ESRP1: variants seen among roughly 807,000 people sequenced by gnomAD.
The protein encoded by ESRP1 is epithelial splicing regulatory protein 1.
A neutral mutation model predicts 81.7 loss-of-function variants in ESRP1; 33 were observed. The ratio of observed to expected loss-of-function variants is 0.40; its 90% CI spans 0.31 to 0.54. ESRP1 has a LOEUF of 0.54. Among genes scored for constraint, ESRP1 ranks in the 20% least tolerant of loss-of-function variants. ESRP1 has a pLI of 0.41. For missense variants in ESRP1, 672 were observed against 833.1 expected, an observed-to-expected ratio of 0.81 and a Z score of 2.38; for synonymous variants, 320 against 303.3, an observed-to-expected ratio of 1.06 and a Z score of -0.57.
Position 94,706,134 on chromosome 8 carries a change from G to T in ESRP1, c.*245G>T. 1.8e-6 allele frequency: 1 copy of T among 546,234 alleles called. No individual in the cohort carries two copies. The highest frequency in any genetic ancestry group is 2.7e-5 in the South Asian group (1 of 36,696). 33.8% of individuals were successfully genotyped at this position (546,234 alleles called of 1,614,324 possible). On this transcript the variant is annotated 3_prime_UTR_variant, in exon 16 of 16. Coordinates refer to ENST00000433389, the MANE Select transcript of ESRP1 (RefSeq NM_017697.4). ...CAGCAAGCAGCATGCAGCATACCTG[G>T]CTCTTTGCTGATTGCAAATAGGCAT...
In ESRP1 at chr8:94,641,948, C is replaced by T. The variant is rs769894286; in HGVS notation, c.133-8C>T. ...GGGAAACTGACCCGTGCTTCTCTAC[C>T]TTCGGAGGTGGGACAGTTGCACGAA... is the stretch of plus-strand genomic sequence containing the variant. On this transcript the variant is annotated splice_region_variant and splice_polypyrimidine_tract_variant and intron_variant, in intron 1 of 15. Coordinates refer to ENST00000433389, the MANE Select transcript of ESRP1 (RefSeq NM_017697.4). 9 of 1,613,664 alleles carry T rather than the reference C, an allele frequency of 5.6e-6. No individual in the cohort carries two copies. Among genetic ancestry groups the T allele is most frequent in the South Asian group, 1.1e-5 (1 of 91,064 alleles).
chr8:94,697,034 A>G (rs1809633572), intron 15 of ESRP1, 73 bp downstream of exon 15: 2 of 966,878 alleles, frequency 2.1e-6, no homozygotes, highest in Non-Finnish European at 3.0e-6. Flanking sequence ...GCATTTAGAA[A>G]TCAACTGAGA....
chr8:94,705,799 G>T (rs976408228), intron 15 of ESRP1, 126 bp from the exon 16 acceptor site: 3 of 807,878 alleles, frequency 3.7e-6, no homozygotes, highest in African/African-American at 3.5e-5. Flanking sequence ...TAATAACTTG[G>T]ACCATCTTAA....
At chr8:94,704,766 GAAAAA>G (rs10618511) in intron 15 of ESRP1, among the ~76,000 whole-genome samples, 6 of 108,752 alleles carry the variant, frequency 5.5e-5, no homozygotes, top group East Asian at 3.5e-4. Context: ...ATCTCTTTTT[GAAAAA>G]AAAAAAAAAA....
intron 4 of ESRP1, among the ~76,000 whole-genome samples, chr8:94,654,576 T>C (rs890445503): frequency 6.6e-6 from 1 of 152,176 alleles, no homozygotes; most frequent in Non-Finnish European, 1.5e-5. Context: ...TTCAGTACAA[T>C]AATATCTCCA....
rs138387059 is a variant in ESRP1, at chr8:94,692,952, G to T, written c.1971+125G>T. Reference sequence around the variant, plus strand: ...TGTGTGTATATATGCTAATGGATTTGCTTATGGAAACAAATAGATCTGGAG... The same window carrying T: ...TGTGTGTATATATGCTAATGGATTTTCTTATGGAAACAAATAGATCTGGAG... On this transcript the variant is annotated intron_variant, in intron 14 of 15. Coordinates refer to ENST00000433389, the MANE Select transcript of ESRP1 (RefSeq NM_017697.4). 135 of 1,057,166 alleles carry T rather than the reference G, an allele frequency of 1.3e-4. No individual in the cohort carries two copies. The East Asian group carries it at 3.4e-3, about 27-fold the overall frequency. 65.5% of individuals were successfully genotyped at this position (1,057,166 alleles called of 1,614,324 possible).
At chr8:94,660,162 G>C (rs949484149) in intron 4 of ESRP1, among the ~76,000 whole-genome samples, 2 of 152,194 alleles carry the variant, frequency 1.3e-5, no homozygotes, top group African/African-American at 4.8e-5. Context: ...AGAAGATGAT[G>C]CCATCCTGGA....
At chr8:94,642,164 G>C (rs1441172626) in intron 2 of ESRP1, 80 bp downstream of exon 2, 2 of 1,523,312 alleles carry the variant, frequency 1.3e-6, no homozygotes, top group Admixed American at 1.8e-5. Flanking sequence ...GGCGGCCCAC[G>C]CGTGTTCCCG....
intron 12 of ESRP1, among the ~76,000 whole-genome samples, chr8:94,677,270 C>T (rs1447376675): frequency 6.6e-6 from 1 of 152,140 alleles, no homozygotes; most frequent in East Asian, 1.9e-4. Flanking sequence ...TTTCTTGGGC[C>T]TCTGCTGATT....
At chr8:94,654,249 C>A (rs1325507229) in intron 4 of ESRP1, among the ~76,000 whole-genome samples, 2 of 152,064 alleles carry the variant, frequency 1.3e-5, no homozygotes, top group Non-Finnish European at 2.9e-5. Flanking sequence ...ACCTGGGTGG[C>A]GGAGGTTGCG....
chr8:94,667,900 G>C, intron 9 of ESRP1, 49 bp from the exon 10 acceptor site: 1 of 1,462,542 alleles, frequency 6.8e-7, no homozygotes, highest in Non-Finnish European at 9.2e-7. Context: ...CGGTAAAGTT[G>C]ATGTCTTAAC....
intron 11 of ESRP1, 73 bp downstream of exon 11, chr8:94,671,744 T>TTTCTAA: frequency 1.0e-6 from 1 of 973,270 alleles, no homozygotes; most frequent in Non-Finnish European, 1.5e-6. Context: ...ATATTAGATA[T>TTTCTAA]TAGATAATCT....
At position 94,673,813 on chromosome 8, in the gene ESRP1, G is replaced by GT. The variant is rs1819453830; in HGVS notation, c.1453-495_1453-494insT. Among the ~76,000 whole-genome samples, 4 of 152,210 alleles carry GT rather than the reference G, an allele frequency of 2.6e-5. No individual in the cohort carries two copies. In the South Asian group the frequency reaches 6.2e-4, roughly 24 times the overall value. On this transcript the variant is annotated intron_variant, in intron 11 of 15. Transcript: ENST00000433389. ...ATTCCAACCTAGGTCTCAGGGATGA[G>GT]GGAAGATTGAAAGGGATATGGCAGG...
intron 13 of ESRP1, among the ~76,000 whole-genome samples, chr8:94,685,254 A>G (rs1026584343): frequency 2.6e-5 from 4 of 152,178 alleles, no homozygotes; most frequent in African/African-American, 9.7e-5. Flanking sequence ...CTTGGCATCC[A>G]GTATGTTCAT....
chr8:94,641,555 T>C, intron 1 of ESRP1, 105 bp downstream of exon 1: 1 of 1,502,590 alleles, frequency 6.7e-7, no homozygotes. Context: ...GTGCTCTTGT[T>C]TGCCCACTTG....
intron 10 of ESRP1, among the ~76,000 whole-genome samples, chr8:94,669,468 T>C (rs771060853): frequency 2.0e-5 from 3 of 152,210 alleles, no homozygotes; most frequent in Non-Finnish European, 4.4e-5. Flanking sequence ...AATGCCAAAA[T>C]TATTTTTGTA....
In ESRP1 at chr8:94,664,991, G is replaced by C; in HGVS notation, c.820G>C (p.Val274Leu). The change falls in exon 8 of 16, where the codon GTA becomes CTA. Residue 274 changes from valine to leucine, a missense_variant. Coordinates refer to ENST00000433389, the MANE Select transcript of ESRP1 (RefSeq NM_017697.4). ...RRNGEALVRFVSEEHRDLALQ... is the reference protein window; with the variant it reads ...RRNGEALVRFLSEEHRDLALQ... ...GAACGGAGAAGCTCTGGTTAGGTTT[G>C]TAAGTGAGGAGCACCGAGACCTAGC... 6.2e-7 allele frequency: 1 copy of C among 1,609,994 alleles called. No homozygotes were observed. Among genetic ancestry groups the C allele is most frequent in the South Asian group, 1.1e-5 (1 of 90,850 alleles).
chr8:94,690,276 ATTTTTTT>A lies in ESRP1; in HGVS notation c.1821-2379_1821-2373del, dbSNP rs373440584. 3.1e-4 allele frequency among the ~76,000 whole-genome samples: 19 copies of A among 61,370 alleles called. 1 individual carries two copies. Among genetic ancestry groups the A allele is most frequent in the Admixed American group, 6.7e-4 (3 of 4,486 alleles). The allele number at this position is 61,370 out of a possible 152,430, so 40.3% of individuals were successfully genotyped here. ...AGGCATGAGCTACAATGCCTGGCTA[ATTTTTTT>A]TTTTTTTTTTTTTTTTTTTTTGGAT... is the stretch of plus-strand genomic sequence containing the variant. On this transcript the variant is annotated intron_variant, in intron 13 of 15. Coordinates refer to ENST00000433389, the MANE Select transcript of ESRP1 (RefSeq NM_017697.4).
At chr8:94,642,787 A>C (rs1326437362) in intron 2 of ESRP1, among the ~76,000 whole-genome samples, 1 of 152,192 alleles carries the variant, frequency 6.6e-6, no homozygotes, top group South Asian at 2.1e-4. Flanking sequence ...ACCTGTGCAC[A>C]GATGAATGCT....
Sources: allele counts gnomAD v4.1 joint callset (sites outside exome capture counted in the v4.1 genomes callset), GRCh38; gene constraint gnomAD v4.1.1; transcripts MANE v1.5; gene names NCBI Gene and HGNC (gene_info 2026-07-23, HGNC 2026-07-21).